The following ATP8B4 variants were observed in gnomAD, a reference collection of about 807,000 sequenced individuals.
The protein encoded by ATP8B4 is ATPase phospholipid transporting 8B4 (putative), also known as probable phospholipid-transporting ATPase IM.
A neutral mutation model predicts 145.6 loss-of-function variants in ATP8B4; 133 were observed. The observed-to-expected ratio is 0.91, with a 90% CI of 0.79 to 1.05. ATP8B4 has a LOEUF of 1.05. Among genes scored for constraint, ATP8B4 ranks in the 50% least tolerant of loss-of-function variants. The pLI is 0.00. For missense variants in ATP8B4, 1,458 were observed against 1,425.2 expected (o/e 1.02, Z -0.37); for synonymous variants, 507 against 492.9 (o/e 1.03, Z -0.38).
chr15:50,033,206 T>A (rs1246539156), intron 6 of ATP8B4, among the ~76,000 whole-genome samples: 1 of 152,228 alleles, frequency 6.6e-6, no homozygotes, highest in Non-Finnish European at 1.5e-5. Flanking sequence ...AACAGGCCTA[T>A]GAGAGCTTCA....
intron 23 of ATP8B4, chr15:49,896,640 T>C (rs2037427087): frequency 6.6e-6 from 1 of 152,250 alleles, no homozygotes; most frequent in Admixed American, 6.5e-5. Flanking sequence ...TTTTTAAATT[T>C]ATAAGTATAT....
chr15:50,123,936 A>T (rs1211526654), upstream of ATP8B4, among the ~76,000 whole-genome samples: 1 of 152,156 alleles, frequency 6.6e-6, no homozygotes, highest in Non-Finnish European at 1.5e-5. Flanking sequence ...ATCAATAAAG[A>T]TAATTCAAAG....
At chr15:50,111,124 G>C (rs546253504) in intron 1 of ATP8B4, among the ~76,000 whole-genome samples, 1 of 152,328 alleles carries the variant, frequency 6.6e-6, no homozygotes, top group South Asian at 2.1e-4. Flanking sequence ...CCACAAGGAA[G>C]TCTCTTCTTA....
At chr15:50,146,484 G>A (rs952447356) in intron 1 of ATP8B4, among the ~76,000 whole-genome samples, 1 of 152,068 alleles carries the variant, frequency 6.6e-6, no homozygotes, top group African/African-American at 2.4e-5. Flanking sequence ...CCACCCTCAG[G>A]GAATATTCTA....
chr15:49,935,197 T>G (rs913318651), intron 14 of ATP8B4, among the ~76,000 whole-genome samples: 1 of 152,090 alleles, frequency 6.6e-6, no homozygotes, highest in Non-Finnish European at 1.5e-5. Flanking sequence ...CTGAATAAAA[T>G]AAGAAATATT....
At chr15:50,173,000 TC>T (rs1450984109) in intron 1 of ATP8B4, among the ~76,000 whole-genome samples, 1 of 146,500 alleles carries the variant, frequency 6.8e-6, no homozygotes, top group Non-Finnish European at 1.5e-5. Flanking sequence ...AGCCGCCCCG[TC>T]CGGGAGGTGG....
rs192778680 is a variant in ATP8B4, at chr15:49,979,953, T to A, written c.838-140A>T. 27 of 544,276 alleles carry A rather than the reference T, an allele frequency of 5.0e-5. No individual in the cohort carries two copies. In the East Asian group the frequency reaches 7.8e-4, roughly 16 times the overall value. 33.7% of individuals were successfully genotyped at this position (544,276 alleles called of 1,614,324 possible). A position where few individuals can be genotyped will look rare whatever the true frequency, so the allele number is the denominator to read the frequency against. Reference sequence around the variant, plus strand: ...AAACCTCTTCTTACCATTAATCATATGAATTACGTCAGGAACTCAGCTAAA... The same window carrying A: ...AAACCTCTTCTTACCATTAATCATAAGAATTACGTCAGGAACTCAGCTAAA... On this transcript the variant is annotated intron_variant, in intron 11 of 27. Coordinates refer to ENST00000284509, the MANE Select transcript of ATP8B4 (RefSeq NM_024837.4).
At chr15:50,047,819 G>C (rs1157847106) in intron 3 of ATP8B4, among the ~76,000 whole-genome samples, 1 of 152,136 alleles carries the variant, frequency 6.6e-6, no homozygotes, top group Non-Finnish European at 1.5e-5. Flanking sequence ...GGGAACTTCA[G>C]AAATCATCTG....
Position 49,898,289 on chromosome 15 carries a change from A to G in ATP8B4, c.2290-38T>C, listed in dbSNP as rs1489157005. On this transcript the variant is annotated intron_variant, in intron 21 of 27. Transcript: ENST00000284509. ...AAATAAAATTCAAACAAGAACAGGAAACAATAAATGAGGGTTGAGAAACAA... is the reference window on the plus strand; with the variant it reads ...AAATAAAATTCAAACAAGAACAGGAGACAATAAATGAGGGTTGAGAAACAA... 3 of 1,575,394 alleles carry G rather than the reference A, an allele frequency of 1.9e-6. No individual in the cohort carries two copies. The South Asian group carries it at 3.4e-5, about 18-fold the overall frequency.
intron 1 of ATP8B4, among the ~76,000 whole-genome samples, chr15:50,110,276 C>T (rs1226101694): frequency 2.0e-5 from 3 of 152,142 alleles, no homozygotes; most frequent in South Asian, 2.1e-4. Flanking sequence ...CATGTTTCCT[C>T]AAATCCAGTC....
chr15:50,043,923 G>A (rs71469675), intron 5 of ATP8B4, among the ~76,000 whole-genome samples: 12,375 of 146,900 alleles, frequency 0.084, 533 homozygotes, highest in South Asian at 0.12. Context: ...ACTGCAGTCC[G>A]CAGTCCGGCC....
intron 23 of ATP8B4, among the ~76,000 whole-genome samples, chr15:49,882,759 G>T (rs1203249488): frequency 6.6e-6 from 1 of 152,152 alleles, no homozygotes; most frequent in African/African-American, 2.4e-5. Flanking sequence ...GCAGGGTAAT[G>T]GTCACCTCTA....
chr15:50,139,428 G>T (rs1273668762), intron 1 of ATP8B4, among the ~76,000 whole-genome samples: 1 of 151,994 alleles, frequency 6.6e-6, no homozygotes, highest in African/African-American at 2.4e-5. Context: ...ATACACCAGG[G>T]CCTGTCGGGG....
chr15:49,978,799 T>C (rs550412746), intron 12 of ATP8B4, among the ~76,000 whole-genome samples: 20 of 128,004 alleles, frequency 1.6e-4, no homozygotes, highest in Non-Finnish European at 2.7e-4. Context: ...CATACATATG[T>C]ATATAAATAA....
intron 1 of ATP8B4, among the ~76,000 whole-genome samples, chr15:50,153,733 T>C (rs958129584): frequency 6.6e-6 from 1 of 152,160 alleles, no homozygotes; most frequent in Non-Finnish European, 1.5e-5. Context: ...TTCTGAGATA[T>C]GAATCTGAGA....
At position 49,931,133 on chromosome 15, in the gene ATP8B4, C is replaced by CT; in HGVS notation, c.1627dup (p.Arg543LysfsTer26). Reference sequence around the variant, plus strand: ...ACCAACCATACCTATGACAGACATCCTTTTTCTGGTGTTGTTGAAATCCAA... The same window carrying CT: ...ACCAACCATACCTATGACAGACATCCTTTTTTCTGGTGTTGTTGAAATCCAA... On this transcript the variant is annotated frameshift_variant, in exon 16 of 28. Coordinates refer to ENST00000284509, the MANE Select transcript of ATP8B4 (RefSeq NM_024837.4). LOFTEE classifies it high-confidence loss of function. The CT allele has an allele frequency of 6.2e-7, 1 of 1,610,966 alleles. No homozygotes were observed. Among genetic ancestry groups the CT allele is most frequent in the Non-Finnish European group, 8.5e-7 (1 of 1,178,132 alleles).
chr15:50,048,232 C>A (rs1417834836), intron 3 of ATP8B4, among the ~76,000 whole-genome samples: 1 of 151,828 alleles, frequency 6.6e-6, no homozygotes, highest in Admixed American at 6.6e-5. Flanking sequence ...GAGGGACCAC[C>A]CAAAATTTGC....
At chr15:49,885,946 G>A (rs2036133473) in intron 23 of ATP8B4, 1 of 152,202 alleles carries the variant, frequency 6.6e-6, no homozygotes, top group Non-Finnish European at 1.5e-5. Context: ...CAGCATGGGA[G>A]GGGGAGTGGG....
At chr15:50,004,335 G>C (rs1414464995) in intron 7 of ATP8B4, among the ~76,000 whole-genome samples, 2 of 152,190 alleles carry the variant, frequency 1.3e-5, no homozygotes, top group Non-Finnish European at 2.9e-5. Flanking sequence ...TTCTGAAAAG[G>C]AAAGGGCAGG....
Sources: allele counts gnomAD v4.1 joint callset (sites outside exome capture counted in the v4.1 genomes callset), GRCh38; gene constraint gnomAD v4.1.1; transcripts MANE v1.5; gene names NCBI Gene and HGNC (gene_info 2026-07-23, HGNC 2026-07-21).